IL1RAPL2: variants seen among roughly 807,000 people sequenced by gnomAD.
The protein encoded by IL1RAPL2 is interleukin 1 receptor accessory protein like 2, also known as X-linked interleukin-1 receptor accessory protein-like 2.
In IL1RAPL2, 3 loss-of-function variants were observed where a neutral mutation model predicts 44.1. The observed-to-expected ratio is 0.07, with a 90% CI of 0.03 to 0.18. IL1RAPL2 has a LOEUF of 0.18. Ranked by LOEUF, IL1RAPL2 falls within the 10% of genes least tolerant of loss-of-function variation. The pLI is 1.00. For synonymous variants in IL1RAPL2, 181 were observed against 178.8 expected (o/e 1.01, Z -0.10); for missense variants, 391 against 496.4 (o/e 0.79, Z 2.02).
chrX:105,030,831 G>T (rs1379513661), intron 2 of IL1RAPL2, among the ~76,000 whole-genome samples: 1 of 111,598 alleles, frequency 9.0e-6, no homozygotes, highest in Non-Finnish European at 1.9e-5. Context: ...AATTACCTTG[G>T]GCAGTATGGC....
chrX:105,060,123 T>C (rs2032053018), intron 2 of IL1RAPL2, among the ~76,000 whole-genome samples: 1 of 111,604 alleles, frequency 9.0e-6, no homozygotes, highest in African/African-American at 3.3e-5. Context: ...CATTATTATC[T>C]TGTTTTGGAT....
At chrX:105,747,286 C>A (rs745654529) in intron 8 of IL1RAPL2, among the ~76,000 whole-genome samples, 12 of 109,321 alleles carry the variant, frequency 1.1e-4, no homozygotes, top group Non-Finnish European at 1.7e-4. Flanking sequence ...TACCCCTATT[C>A]ATTGTGTGTG....
At chrX:105,305,353 C>T (rs145408889) in intron 5 of IL1RAPL2, among the ~76,000 whole-genome samples, 1,684 of 111,729 alleles carry the variant, frequency 0.015, 35 homozygotes, top group African/African-American at 0.052. Context: ...CACACATACA[C>T]ACACACACGC....
chrX:105,659,051 T>C (rs1392535631), intron 6 of IL1RAPL2, among the ~76,000 whole-genome samples: 1 of 109,337 alleles, frequency 9.1e-6, no homozygotes, highest in Non-Finnish European at 1.9e-5. Context: ...CACATGAACC[T>C]GGTAAGTAGA....
At chrX:105,109,823 G>A (rs1361224523) in intron 2 of IL1RAPL2, among the ~76,000 whole-genome samples, 1 of 112,309 alleles carries the variant, frequency 8.9e-6, no homozygotes, top group Non-Finnish European at 1.9e-5. Context: ...ATCTGACAAC[G>A]TAGAAAAATG....
At chrX:105,432,375 A>G (rs751768697) in intron 5 of IL1RAPL2, among the ~76,000 whole-genome samples, 1 of 109,385 alleles carries the variant, frequency 9.1e-6, no homozygotes, top group East Asian at 2.9e-4. Context: ...AGCTATTCTG[A>G]ACATTCTTCA....
chrX:105,475,686 G>GAA (rs754019209), intron 5 of IL1RAPL2, among the ~76,000 whole-genome samples: 5 of 94,010 alleles, frequency 5.3e-5, no homozygotes, highest in African/African-American at 1.5e-4. Flanking sequence ...GAACTGTGAA[G>GAA]AAAAAAAAAA....
At chrX:104,769,219 T>C (rs1932604617) in intron 2 of IL1RAPL2, among the ~76,000 whole-genome samples, 1 of 111,949 alleles carries the variant, frequency 8.9e-6, no homozygotes, top group South Asian at 3.7e-4. Flanking sequence ...CAACATAGCG[T>C]CTTGTACATT....
intron 6 of IL1RAPL2, among the ~76,000 whole-genome samples, chrX:105,554,393 T>C (rs1334748225): frequency 8.9e-6 from 1 of 112,352 alleles, no homozygotes; most frequent in Non-Finnish European, 1.9e-5. Flanking sequence ...TTGATTATAA[T>C]ATATCTTGGT....
intron 5 of IL1RAPL2, among the ~76,000 whole-genome samples, chrX:105,290,849 G>T (rs1271361632): frequency 9.0e-6 from 1 of 111,270 alleles, no homozygotes; most frequent in East Asian, 2.8e-4. Context: ...ACTTACACTT[G>T]ATGGAGATAG....
chrX:105,189,482 C>T (rs1353861553), intron 2 of IL1RAPL2, among the ~76,000 whole-genome samples: 1 of 112,153 alleles, frequency 8.9e-6, no homozygotes, highest in African/African-American at 3.2e-5. Flanking sequence ...CTGCCTGTCT[C>T]TGCCTCCCAA....
chrX:104,998,603 G>A (rs1002401834), intron 2 of IL1RAPL2, among the ~76,000 whole-genome samples: 6 of 110,015 alleles, frequency 5.5e-5, no homozygotes, highest in South Asian at 4.0e-4. Flanking sequence ...GTGAAACACC[G>A]TATTTACAAA....
intron 6 of IL1RAPL2, among the ~76,000 whole-genome samples, chrX:105,503,225 A>G (rs1198983303): frequency 9.0e-6 from 1 of 111,129 alleles, no homozygotes; most frequent in Admixed American, 9.6e-5. Context: ...ATCAATTACT[A>G]CTCAAGCCCA....
intron 5 of IL1RAPL2, chrX:105,406,449 C>G: frequency 8.4e-7 from 1 of 1,187,810 alleles, no homozygotes; most frequent in Non-Finnish European, 1.1e-6. Flanking sequence ...ATAAAGAATT[C>G]TCAACCACCG....
At chrX:105,370,029 C>G (rs2035325455) in intron 5 of IL1RAPL2, among the ~76,000 whole-genome samples, 1 of 111,700 alleles carries the variant, frequency 9.0e-6, no homozygotes, top group South Asian at 3.7e-4. Context: ...TTCCCTTATA[C>G]CAATAACATC....
At chrX:105,078,699 C>T (rs928581021) in intron 2 of IL1RAPL2, among the ~76,000 whole-genome samples, 4 of 101,402 alleles carry the variant, frequency 3.9e-5, no homozygotes, top group African/African-American at 1.4e-4. Context: ...AGCTTCCTGG[C>T]CGCTTTGTTT....
At chrX:105,024,782 T>C (rs1302512805) in intron 2 of IL1RAPL2, among the ~76,000 whole-genome samples, 1 of 111,698 alleles carries the variant, frequency 9.0e-6, no homozygotes, top group Non-Finnish European at 1.9e-5. Context: ...ATAGCATGTT[T>C]ATGTTGACAG....
intron 6 of IL1RAPL2, among the ~76,000 whole-genome samples, chrX:105,506,533 C>T (rs1193553523): frequency 9.0e-6 from 1 of 111,467 alleles, no homozygotes; most frequent in Non-Finnish European, 1.9e-5. Context: ...GATTCCAGGC[C>T]TCTTAAAGAC....
chrX:105,762,459 A>C (rs1432268537), intron 10 of IL1RAPL2, among the ~76,000 whole-genome samples: 1 of 112,228 alleles, frequency 8.9e-6, no homozygotes, highest in Non-Finnish European at 1.9e-5. Context: ...AGACAAAAGA[A>C]AAAGTTTTAT....
Sources: allele counts gnomAD v4.1 joint callset (sites outside exome capture counted in the v4.1 genomes callset), GRCh38; gene constraint gnomAD v4.1.1; transcripts MANE v1.5; gene names NCBI Gene and HGNC (gene_info 2026-07-23, HGNC 2026-07-21).